The following SLC49A3 variants were observed in gnomAD, a reference collection of about 807,000 sequenced individuals.
SLC49A3 encodes the protein solute carrier family 49 member 3.
Under a neutral mutation model 43.8 loss-of-function variants are expected in SLC49A3, and 50 were observed. That is an observed-to-expected ratio of 1.14 (90% CI 0.91 to 1.45). The LOEUF (loss-of-function observed/expected upper bound fraction) is 1.45. Among genes scored for constraint, SLC49A3 ranks in the 40% most tolerant of loss-of-function variants. The pLI, the probability that SLC49A3 is intolerant of heterozygous loss-of-function variation, is 0.00. For synonymous variants in SLC49A3, 413 were observed against 352.0 expected (o/e 1.17, Z -1.94); for missense variants, 906 against 774.1 (o/e 1.17, Z -2.02).
At chr4:682,577 G>C (rs1488623487) in intron 9 of SLC49A3, among the ~76,000 whole-genome samples, 1 of 152,196 alleles carries the variant, frequency 6.6e-6, no homozygotes, top group Non-Finnish European at 1.5e-5. Flanking sequence ...TGGGGTCTGG[G>C]ATATGGGTGT....
chr4:682,283 G>A lies in SLC49A3; in HGVS notation c.1355C>T (p.Ser452Phe), dbSNP rs1218483184. ...HTPYRRLQAE[S>F]GEPPSTRNAV... ...GTTACGGGTGGAGGGGGGCTCCCCA[G>A]ACTCGGCCTGCAGGCGCCGGTATGG... is the stretch of plus-strand genomic sequence containing the variant. Residue 452 changes from serine (S) to phenylalanine (F), a missense_variant, in exon 10 of 10, where the codon TCT becomes TTT. Coordinates refer to ENST00000322224, the MANE Select transcript of SLC49A3 (RefSeq NM_032219.4). 7.4e-7 allele frequency: 1 copy of A among 1,353,740 alleles called. No homozygotes were observed. The highest frequency in any genetic ancestry group is 9.6e-7 in the Non-Finnish European group (1 of 1,043,526). The allele number at this position is 1,353,740 out of a possible 1,614,324, so 83.9% of individuals were successfully genotyped here.
In SLC49A3 at chr4:684,537, A is replaced by C; in HGVS notation, c.786T>G (p.Ser262=). Residue 262 remains serine (S), a synonymous_variant, in exon 6 of 10, where the codon TCT becomes TCG. Transcript: ENST00000322224. ...AVCLGGMIGI[S]ASFSALLEQI... is the part of the protein sequence containing the mutation. Reference sequence around the variant, plus strand: ...GCTCCAGGAGGGCTGAGAAGCTGGCAGAGATCCCGATCATTCCCCCCAAGC... The same window carrying C: ...GCTCCAGGAGGGCTGAGAAGCTGGCCGAGATCCCGATCATTCCCCCCAAGC... 1 of 1,613,242 alleles carries C rather than the reference A, an allele frequency of 6.2e-7. No individual in the cohort carries two copies. The highest frequency in any genetic ancestry group is 8.5e-7 in the Non-Finnish European group (1 of 1,179,954).
At position 686,259 on chromosome 4, in the gene SLC49A3, C is replaced by T. The variant is rs138706049; in HGVS notation, c.338G>A (p.Arg113His). ...CCCAACAACCATGCAGGGCACCATG[C>T]GTAGCACACTCCCGGCAAAGTTCAG... ...AWLNFAGSVL[R>H]MVPCMVVGTQ... The change falls in exon 3 of 10, where the codon CGC (arginine) becomes CAC (histidine). Residue 113 changes from arginine (R) to histidine (H), a missense_variant. Physicochemically the swap from Arg to His is conservative, Grantham distance 29 (BLOSUM62 0). Transcript: ENST00000322224. 2.3e-5 allele frequency: 37 copies of T among 1,613,468 alleles called. No homozygotes were observed. Among genetic ancestry groups the T allele is most frequent in the Non-Finnish European group, 3.0e-5 (35 of 1,180,024 alleles).
chr4:690,292 GC>G (rs1444875734), upstream of SLC49A3, among the ~76,000 whole-genome samples: 1 of 152,002 alleles, frequency 6.6e-6, no homozygotes, highest in African/African-American at 2.4e-5. Context: ...AGATGGGTGG[GC>G]CCCAAGGGGG....
downstream of SLC49A3, chr4:680,136 C>T (rs1431988037): frequency 2.0e-6 from 2 of 1,020,618 alleles, no homozygotes; most frequent in South Asian, 3.3e-5. Context: ...GGGCCTGGCA[C>T]TCTGGGAGCC....
Position 682,805 on chromosome 4 carries a change from C to T in SLC49A3, c.1237G>A (p.Gly413Arg), listed in dbSNP as rs1225606834. Residue 413 changes from glycine to arginine, a missense_variant, in exon 9 of 10, where the codon GGG becomes AGG. By Grantham distance (125) the Gly-to-Arg change is moderately radical. Transcript: ENST00000322224. The part of the protein sequence containing the change: ...SEPSLSTCQQ[G>R]EDPLDWTVSL... ...CCTGTCCAGTCAAGTGGATCCTCCC[C>T]CTGCTGGCAGGTGGACAAGGACGGC... 2 of 1,597,938 alleles carry T rather than the reference C, an allele frequency of 1.3e-6. No individual in the cohort carries two copies. Among genetic ancestry groups the T allele is most frequent in the East Asian group, 2.3e-5 (1 of 44,380 alleles).
downstream of SLC49A3, chr4:680,692 C>A (rs1739382281): frequency 1.7e-6 from 2 of 1,162,028 alleles, no homozygotes; most frequent in South Asian, 1.3e-5. Context: ...CCCACCTCCC[C>A]ACCTCTGACC....
intron 9 of SLC49A3, 28 bp downstream of exon 9, chr4:682,752 TC>T (rs770175245): frequency 1.3e-6 from 2 of 1,508,312 alleles, no homozygotes; most frequent in African/African-American, 2.7e-5. Flanking sequence ...CCTGTCCTGT[TC>T]CCTGGGGACT....
chr4:679,032 G>C (rs762161361), downstream of SLC49A3: 5 of 1,613,522 alleles, frequency 3.1e-6, no homozygotes, highest in South Asian at 5.5e-5. Flanking sequence ...ATGCCTCCCT[G>C]GGTAGGTACC....
chr4:678,081 C>T (rs1223105415), downstream of SLC49A3: 2 of 1,607,276 alleles, frequency 1.2e-6, no homozygotes, highest in Non-Finnish European at 1.7e-6. Flanking sequence ...GTGAGCTGTG[C>T]TGTGCATGTG....
chr4:678,223 G>C, downstream of SLC49A3: 2 of 1,496,190 alleles, frequency 1.3e-6, no homozygotes. Context: ...GGTGTGGGCT[G>C]TGCTGTGTTG....
downstream of SLC49A3, chr4:679,109 G>C (rs1438518245): frequency 1.6e-6 from 2 of 1,227,654 alleles, no homozygotes; most frequent in African/African-American, 4.7e-5. Context: ...AGACGCCGCG[G>C]CCCCTCCTCG....
At chr4:682,489 G>A (rs1413240138) in intron 9 of SLC49A3, 113 bp from the exon 10 acceptor site, 25 of 1,140,802 alleles carry the variant, frequency 2.2e-5, no homozygotes, top group Non-Finnish European at 2.8e-5. Context: ...AGTGACCCCA[G>A]ACGGAGAGCC....
intron 9 of SLC49A3, 45 bp downstream of exon 9, chr4:682,736 G>C (rs748808185): frequency 7.0e-7 from 1 of 1,435,706 alleles, no homozygotes; most frequent in Non-Finnish European, 9.5e-7. Context: ...CTTCACATGG[G>C]GCTCACCTGT....
chr4:682,146 G>C lies in SLC49A3; in HGVS notation c.1492C>G (p.Leu498Val). Residue 498 changes from leucine to valine, a missense_variant, in exon 10 of 10, where the codon CTA (leucine) becomes GTA (valine). By Grantham distance (32) the Leu-to-Val change is conservative (BLOSUM62 1). Coordinates refer to ENST00000322224, the MANE Select transcript of SLC49A3 (RefSeq NM_032219.4). ...TPECTARGAS[L>V]EDPRGPGSPH... is the part of the protein sequence containing the mutation. The stretch of plus-strand genomic sequence containing the variant: ...CTCCCGGGCCCTCTGGGGTCCTCTA[G>C]CGAGGCCCCCCTCGCCGTGCACTCC... 7.4e-7 allele frequency: 1 copy of C among 1,342,902 alleles called. No homozygotes were observed. Among genetic ancestry groups the C allele is most frequent in the Non-Finnish European group, 9.7e-7 (1 of 1,035,818 alleles). 83.2% of individuals were successfully genotyped at this position (1,342,902 alleles called of 1,614,324 possible).
chr4:680,774 C>T (rs962699288), downstream of SLC49A3: 63 of 670,978 alleles, frequency 9.4e-5, no homozygotes, highest in African/African-American at 1.0e-3. Flanking sequence ...ACACAGGGAC[C>T]AGCGCCTGTG....
downstream of SLC49A3, chr4:679,194 T>G: frequency 1.3e-6 from 1 of 764,576 alleles, no homozygotes; most frequent in Non-Finnish European, 2.3e-6. Flanking sequence ...TGGCCGCCCT[T>G]GGTTCCATCA....
chr4:691,207 C>T (rs757142916), upstream of SLC49A3, among the ~76,000 whole-genome samples: 23 of 147,680 alleles, frequency 1.6e-4, no homozygotes, highest in Non-Finnish European at 2.7e-4. Context: ...ATCTCGAACC[C>T]GGGAAGCAGA....
chr4:681,005 C>A, downstream of SLC49A3: 1 of 1,466,842 alleles, frequency 6.8e-7, no homozygotes, highest in Non-Finnish European at 9.3e-7. Context: ...GCGAGTACAA[C>A]CTGGGGCCCC....
Sources: allele counts gnomAD v4.1 joint callset (sites outside exome capture counted in the v4.1 genomes callset), GRCh38; gene constraint gnomAD v4.1.1; transcripts MANE v1.5; gene names NCBI Gene and HGNC (gene_info 2026-07-23, HGNC 2026-07-21).